The following RBFOX1 variants were observed in gnomAD, a reference collection of about 807,000 sequenced individuals.
RBFOX1 encodes the protein RNA binding protein fox-1 homolog 1.
Under a neutral mutation model 57.7 loss-of-function variants are expected in RBFOX1, and 8 were observed. The observed-to-expected ratio is 0.14, with a 90% CI of 0.08 to 0.25. The LOEUF is 0.25. Ranked by LOEUF, RBFOX1 falls within the 10% of genes least tolerant of loss-of-function variation. RBFOX1 has a pLI of 1.00. For missense variants in RBFOX1, 611 were observed against 548.5 expected, an observed-to-expected ratio of 1.11 and a Z score of -1.14; for synonymous variants, 326 against 222.4, an observed-to-expected ratio of 1.47 and a Z score of -4.15.
chr16:6,968,821 G>GTTT (rs111367350), intron 3 of RBFOX1, among the ~76,000 whole-genome samples: 4 of 142,054 alleles, frequency 2.8e-5, no homozygotes, highest in African/African-American at 1.0e-4. Context: ...AGGTTTTTTT[G>GTTT]TTTTTTTTTT....
intron 3 of RBFOX1, among the ~76,000 whole-genome samples, chr16:6,767,932 T>TAAGAAGAAGAAG (rs1247016398): frequency 1.6e-4 from 15 of 94,904 alleles, no homozygotes; most frequent in East Asian, 7.0e-4. Context: ...ATAATAATAA[T>TAAGAAGAAGAAG]AATAATAATA....
intron 3 of RBFOX1, among the ~76,000 whole-genome samples, chr16:5,743,541 T>A (rs1268006179): frequency 6.6e-6 from 1 of 152,220 alleles, no homozygotes; most frequent in Non-Finnish European, 1.5e-5. Flanking sequence ...CATATTAAAA[T>A]GATCATTTTT....
intron 2 of RBFOX1, among the ~76,000 whole-genome samples, chr16:6,472,068 C>T (rs1310316240): frequency 1.3e-5 from 2 of 152,158 alleles, no homozygotes; most frequent in Admixed American, 6.6e-5. Flanking sequence ...TATACTGTTT[C>T]GCTGACTAGT....
chr16:5,804,066 T>C (rs915970727), intron 3 of RBFOX1, among the ~76,000 whole-genome samples: 2 of 152,208 alleles, frequency 1.3e-5, no homozygotes, highest in African/African-American at 4.8e-5. Context: ...TCTTCCAGGA[T>C]CAAATGATTA....
At chr16:5,849,791 G>A (rs1299112653) in intron 3 of RBFOX1, among the ~76,000 whole-genome samples, 3 of 152,084 alleles carry the variant, frequency 2.0e-5, no homozygotes, top group South Asian at 2.1e-4. Flanking sequence ...CTCTTCCCAC[G>A]TCTTTGGAAT....
chr16:5,702,755 C>G (rs1405826914), intron 3 of RBFOX1, among the ~76,000 whole-genome samples: 1 of 152,168 alleles, frequency 6.6e-6, no homozygotes, highest in Non-Finnish European at 1.5e-5. Context: ...GATTGAGATG[C>G]ATGAACATGC....
At chr16:7,691,382 TGGG>T (rs1295282250) in intron 14 of RBFOX1, among the ~76,000 whole-genome samples, 88 of 127,586 alleles carry the variant, frequency 6.9e-4, no homozygotes, top group African/African-American at 2.5e-3. Flanking sequence ...AAAAAAAAAG[TGGG>T]GGAGAGAAAG....
chr16:6,208,377 G>A (rs961921887), intron 1 of RBFOX1, among the ~76,000 whole-genome samples: 2 of 152,004 alleles, frequency 1.3e-5, no homozygotes, highest in African/African-American at 2.4e-5. Context: ...AGAGTATTTT[G>A]TCAGGGGTAG....
intron 3 of RBFOX1, among the ~76,000 whole-genome samples, chr16:6,764,454 C>G (rs140680214): frequency 5.1e-4 from 78 of 152,304 alleles, no homozygotes; most frequent in African/African-American, 1.8e-3. Context: ...GAGCACAACT[C>G]TTTGTCTTCT....
chr16:6,257,106 C>G (rs373340437), intron 1 of RBFOX1, among the ~76,000 whole-genome samples: 125 of 152,022 alleles, frequency 8.2e-4, no homozygotes, highest in Middle Eastern at 3.4e-3. Flanking sequence ...ACTTATTTTT[C>G]TTTTTTTAAT....
intron 3 of RBFOX1, among the ~76,000 whole-genome samples, chr16:5,613,669 T>G (rs2047908890): frequency 6.6e-6 from 1 of 152,096 alleles, no homozygotes; most frequent in Non-Finnish European, 1.5e-5. Flanking sequence ...CATATTGGGG[T>G]CATGTTTATG....
intron 4 of RBFOX1, among the ~76,000 whole-genome samples, chr16:5,870,663 T>C (rs995094703): frequency 2.6e-5 from 4 of 152,160 alleles, no homozygotes; most frequent in Non-Finnish European, 4.4e-5. Context: ...TGAATTATCA[T>C]TGCTGCAGCC....
chr16:7,570,535 A>G (rs921324435), intron 5 of RBFOX1, among the ~76,000 whole-genome samples: 1 of 152,178 alleles, frequency 6.6e-6, no homozygotes, highest in Non-Finnish European at 1.5e-5. Flanking sequence ...GATAGAAGTC[A>G]TTTATCTACG....
intron 1 of RBFOX1, among the ~76,000 whole-genome samples, chr16:6,222,956 T>C (rs1211045031): frequency 6.6e-6 from 1 of 151,502 alleles, no homozygotes; most frequent in Admixed American, 6.6e-5. Context: ...CGGTGTTTGG[T>C]TTGTTGTCCT....
intron 3 of RBFOX1, among the ~76,000 whole-genome samples, chr16:5,632,772 G>A (rs1161909059): frequency 6.6e-6 from 1 of 152,086 alleles, no homozygotes; most frequent in Non-Finnish European, 1.5e-5. Context: ...TTACAAAGTG[G>A]TCATGAATGA....
At chr16:7,512,085 CTG>C (rs1367666712) in intron 4 of RBFOX1, among the ~76,000 whole-genome samples, 1 of 151,870 alleles carries the variant, frequency 6.6e-6, no homozygotes, top group Non-Finnish European at 1.5e-5. Flanking sequence ...GAAGCTCTCT[CTG>C]ATCATTCCAC....
At chr16:7,567,604 TCCC>T (rs2092164701) in intron 5 of RBFOX1, among the ~76,000 whole-genome samples, 1 of 21,844 alleles carries the variant, frequency 4.6e-5, no homozygotes, top group South Asian at 1.5e-3. Context: ...TATATATATA[TCCC>T]TTTATATGGC....
intron 3 of RBFOX1, among the ~76,000 whole-genome samples, chr16:6,696,665 A>G (rs919087402): frequency 1.0e-4 from 15 of 148,478 alleles, no homozygotes; most frequent in African/African-American, 3.7e-4. Context: ...TCTCCTTCAG[A>G]TATGAACAGT....
At chr16:6,486,899 A>T (rs928404362) in intron 2 of RBFOX1, among the ~76,000 whole-genome samples, 2 of 152,148 alleles carry the variant, frequency 1.3e-5, no homozygotes, top group African/African-American at 4.8e-5. Flanking sequence ...TAAATCATAG[A>T]TAATCAGAAT....
Sources: gnomAD v4.1 joint callset for allele counts (sites outside exome capture counted in the v4.1 genomes callset) on GRCh38, gnomAD v4.1.1 for gene constraint, MANE v1.5 for transcripts, NCBI Gene and HGNC (gene_info 2026-07-23, HGNC 2026-07-21) for gene names.